CDYL2: variants seen among roughly 807,000 people sequenced by gnomAD.
CDYL2 encodes chromodomain Y-like protein 2.
A neutral mutation model predicts 49.4 loss-of-function variants in CDYL2; 23 were observed. The observed-to-expected ratio is 0.47, with a 90% CI of 0.34 to 0.66. The LOEUF (loss-of-function observed/expected upper bound fraction) is 0.66, where lower values mean the gene tolerates loss of function less well. Ranked by LOEUF, CDYL2 falls within the 30% of genes least tolerant of loss-of-function variation. The pLI, the probability that CDYL2 is intolerant of heterozygous loss-of-function variation, is 0.01. For missense variants in CDYL2, 678 were observed against 656.4 expected (o/e 1.03, Z -0.36); for synonymous variants, 360 against 268.8 (o/e 1.34, Z -3.32).
Position 80,789,723 on chromosome 16 carries a change from C to T in CDYL2, c.24+14427G>A, listed in dbSNP as rs116246253. On this transcript the variant is annotated intron_variant, in intron 1 of 6. Transcript: ENST00000570137. ...AAGAAAATGTCCATGGAATATCATGCAGCCATTAAAAAAAGAATGAAATCA... is the reference window on the plus strand; with the variant it reads ...AAGAAAATGTCCATGGAATATCATGTAGCCATTAAAAAAAGAATGAAATCA... Among the ~76,000 whole-genome samples, 1,279 of 152,140 alleles carry T rather than the reference C, an allele frequency of 8.4e-3. 17 individuals carry two copies. The highest frequency in any genetic ancestry group is 0.03 in the African/African-American group (1,235 of 41,504).
At chr16:80,799,743 G>A (rs1342139791) in intron 1 of CDYL2, among the ~76,000 whole-genome samples, 1 of 152,214 alleles carries the variant, frequency 6.6e-6, no homozygotes, top group Non-Finnish European at 1.5e-5. Context: ...TTGAAAATAA[G>A]CTGATGCCTG....
At chr16:80,710,328 C>G (rs114939207) in intron 1 of CDYL2, among the ~76,000 whole-genome samples, 1 of 152,168 alleles carries the variant, frequency 6.6e-6, no homozygotes, top group South Asian at 2.1e-4. Context: ...GTACACAGTA[C>G]TACAAATTGG....
chr16:80,635,564 G>A (rs1026464060), intron 2 of CDYL2, among the ~76,000 whole-genome samples: 2 of 152,018 alleles, frequency 1.3e-5, no homozygotes, highest in African/African-American at 2.4e-5. Context: ...AAATAAGAGA[G>A]GACACAAACA....
At chr16:80,763,461 A>G (rs1436457630) in intron 1 of CDYL2, among the ~76,000 whole-genome samples, 4 of 151,888 alleles carry the variant, frequency 2.6e-5, no homozygotes, top group African/African-American at 9.6e-5. Flanking sequence ...AAAACAAAAA[A>G]AAAAGCCAGG....
chr16:80,707,328 G>A (rs1458612734), intron 1 of CDYL2, among the ~76,000 whole-genome samples: 1 of 151,940 alleles, frequency 6.6e-6, no homozygotes, highest in Non-Finnish European at 1.5e-5. Context: ...CTCATCCTGG[G>A]GCTGGCGTGT....
rs762543333 is a variant in CDYL2 at position 80,684,999 on chromosome 16, A to G, written c.155T>C (p.Ile52Thr). 4 of 1,614,012 alleles carry G rather than the reference A, an allele frequency of 2.5e-6. No individual in the cohort carries two copies. The highest frequency in any genetic ancestry group is 1.1e-5 in the South Asian group (1 of 91,074). ...CATGTGCAACCCATTGAATTCATCA[A>G]TAAACTCCTCACAGTGCAAGAGGTG... ...EHHLLHCEEF[I>T]DEFNGLHMSK... is the part of the protein sequence containing the mutation. Residue 52 changes from isoleucine to threonine, a missense_variant, in exon 2 of 7, where the codon ATT (isoleucine) becomes ACT (threonine). By Grantham distance (89) the Ile-to-Thr change is moderately conservative (BLOSUM62 -1). Around this residue, in one of 3 missense-constraint regions of CDYL2, gnomAD observed 478 missense variants for 427.0 expected, o/e 1.12. Transcript: ENST00000570137.
At chr16:80,635,269 G>C (rs905059854) in intron 2 of CDYL2, among the ~76,000 whole-genome samples, 3 of 152,324 alleles carry the variant, frequency 2.0e-5, no homozygotes, top group Non-Finnish European at 2.9e-5. Context: ...GGACTTCCTA[G>C]TCCAATTGTC....
At chr16:80,631,964 G>A (rs560612229) in intron 3 of CDYL2, among the ~76,000 whole-genome samples, 3 of 152,312 alleles carry the variant, frequency 2.0e-5, no homozygotes, top group African/African-American at 7.2e-5. Flanking sequence ...GGGACCCACT[G>A]TGGAAAACAG....
At position 80,612,925 on chromosome 16, in the gene CDYL2, G is replaced by C; in HGVS notation, c.1008-89C>G. On this transcript the variant is annotated intron_variant, in intron 4 of 6. Coordinates refer to ENST00000570137, the MANE Select transcript of CDYL2 (RefSeq NM_152342.4). The surrounding 1 kb of genome is among the most constrained non-coding windows in gnomAD (Gnocchi z 5.0). Reference sequence around the variant, plus strand: ...TTGACTCTCCCAGGTGCTGTGAGGAGCACCCTCAGGTCGTCAGAGGTTAGA... The same window carrying C: ...TTGACTCTCCCAGGTGCTGTGAGGACCACCCTCAGGTCGTCAGAGGTTAGA... 2.4e-6 allele frequency: 3 copies of C among 1,228,318 alleles called. No homozygotes were observed. The South Asian group carries it at 4.8e-5, about 19-fold the overall frequency. 76.1% of individuals were successfully genotyped at this position (1,228,318 alleles called of 1,614,324 possible).
rs1318357425 is a variant in CDYL2, at chr16:80,611,365, C to A, written c.1218+1261G>T. Reference sequence around the variant, plus strand: ...AGAACCTTCTGAGATCCAGATGGGACCCGTGCTTATGAAATAAGGATTAGC... The same window carrying A: ...AGAACCTTCTGAGATCCAGATGGGAACCGTGCTTATGAAATAAGGATTAGC... On this transcript the variant is annotated intron_variant, in intron 5 of 6. Coordinates refer to ENST00000570137, the MANE Select transcript of CDYL2 (RefSeq NM_152342.4). 2.0e-5 allele frequency among the ~76,000 whole-genome samples: 3 copies of A among 152,136 alleles called. No homozygotes were observed. The South Asian group carries it at 6.2e-4, about 31-fold the overall frequency.
At chr16:80,662,792 T>C (rs1249105937) in intron 2 of CDYL2, 1 of 455,182 alleles carries the variant, frequency 2.2e-6, no homozygotes, top group Non-Finnish European at 4.4e-6. Flanking sequence ...GGAATCACAC[T>C]GTAGGAAAAT....
intron 1 of CDYL2, among the ~76,000 whole-genome samples, chr16:80,802,376 T>C (rs1192910366): frequency 6.6e-6 from 1 of 152,216 alleles, no homozygotes; most frequent in Non-Finnish European, 1.5e-5. Flanking sequence ...TATCTACTTT[T>C]AGCCAATGTC....
intron 6 of CDYL2, among the ~76,000 whole-genome samples, chr16:80,607,399 C>T (rs8055904): frequency 0.12 from 18,505 of 152,140 alleles, 1,501 homozygotes; most frequent in Non-Finnish European, 0.17. Context: ...CAAAAATGCA[C>T]GCAGCAGCTC....
chr16:80,678,081 C>T (rs1469497725), intron 2 of CDYL2, among the ~76,000 whole-genome samples: 2 of 152,046 alleles, frequency 1.3e-5, no homozygotes, highest in Admixed American at 1.3e-4. Context: ...AAACTGGATC[C>T]CTTCCTTACA....
intron 1 of CDYL2, among the ~76,000 whole-genome samples, chr16:80,730,419 G>A (rs1905287388): frequency 6.6e-6 from 1 of 152,050 alleles, no homozygotes; most frequent in South Asian, 2.1e-4. Flanking sequence ...TTGAATCTCT[G>A]AATAGACCAA....
chr16:80,731,068 T>C (rs1905310234), intron 1 of CDYL2, among the ~76,000 whole-genome samples: 1 of 152,208 alleles, frequency 6.6e-6, no homozygotes, highest in Non-Finnish European at 1.5e-5. Flanking sequence ...TGTCAAAGCT[T>C]ATCAAATGTT....
chr16:80,725,069 A>G (rs968291343), intron 1 of CDYL2, among the ~76,000 whole-genome samples: 10 of 152,176 alleles, frequency 6.6e-5, no homozygotes, highest in Middle Eastern at 3.4e-3. Context: ...GTCACCTTCT[A>G]TCGGTTCCAA....
At chr16:80,780,604 A>AT (rs1270422422) in intron 1 of CDYL2, among the ~76,000 whole-genome samples, 1 of 151,802 alleles carries the variant, frequency 6.6e-6, no homozygotes, top group Non-Finnish European at 1.5e-5. Context: ...ACGAGGTTTC[A>AT]CCGTGTTAGC....
At chr16:80,614,274 G>C (rs1906728180) in intron 4 of CDYL2, among the ~76,000 whole-genome samples, 1 of 152,230 alleles carries the variant, frequency 6.6e-6, no homozygotes, top group Admixed American at 6.5e-5. Flanking sequence ...ACTGCATGTG[G>C]CTGTGGCCAA....
Sources: gnomAD v4.1 joint callset for allele counts (sites outside exome capture counted in the v4.1 genomes callset) on GRCh38, gnomAD v4.1.1 for gene constraint, gnomAD v4.1.1 regional missense constraint, Gnocchi (gnomAD v3.1) non-coding constraint, MANE v1.5 for transcripts, NCBI Gene and HGNC (gene_info 2026-07-23, HGNC 2026-07-21) for gene names.